The following CNTNAP2 variants were observed in gnomAD, a reference collection of about 807,000 sequenced individuals.
CNTNAP2 encodes the protein contactin-associated protein-like 2.
CNTNAP2 carries 98 observed loss-of-function variants against 155.2 expected under a neutral mutation model. That is an observed-to-expected ratio of 0.63 (90% CI 0.54 to 0.75). CNTNAP2 has a LOEUF of 0.75. Among genes scored for constraint, CNTNAP2 ranks in the 30% least tolerant of loss-of-function variants. The pLI is 0.00. For missense variants in CNTNAP2, 1,727 were observed against 1,688.1 expected (o/e 1.02, Z -0.40); for synonymous variants, 651 against 631.2 (o/e 1.03, Z -0.47).
At chr7:147,966,912 C>T (rs1414133235) in intron 14 of CNTNAP2, among the ~76,000 whole-genome samples, 3 of 151,982 alleles carry the variant, frequency 2.0e-5, no homozygotes, top group Non-Finnish European at 2.9e-5. Flanking sequence ...ACATGGCATT[C>T]CAGTTTCTGC....
At chr7:147,155,275 C>G (rs1373495030) in intron 8 of CNTNAP2, among the ~76,000 whole-genome samples, 2 of 152,098 alleles carry the variant, frequency 1.3e-5, no homozygotes, top group Non-Finnish European at 2.9e-5. Flanking sequence ...GGAAGTGGTC[C>G]CTCACCAGAC....
At chr7:147,047,602 CA>C (rs1296983027) in intron 4 of CNTNAP2, among the ~76,000 whole-genome samples, 5 of 152,178 alleles carry the variant, frequency 3.3e-5, no homozygotes, top group Middle Eastern at 3.4e-3. Context: ...TTTGAGGTGA[CA>C]TTTTTTTAAC....
chr7:147,182,143 A>AAG (rs1563106138), intron 8 of CNTNAP2, among the ~76,000 whole-genome samples: 1 of 150,954 alleles, frequency 6.6e-6, no homozygotes, highest in African/African-American at 2.4e-5. Flanking sequence ...AAAAAAAAAA[A>AAG]AAAGAAAGTA....
At chr7:147,101,523 A>G (rs935412549) in intron 4 of CNTNAP2, among the ~76,000 whole-genome samples, 1 of 152,270 alleles carries the variant, frequency 6.6e-6, no homozygotes, top group East Asian at 1.9e-4. Context: ...ACAGCCTTTT[A>G]TACCCTGTCC....
At chr7:147,319,485 C>T (rs1584870252) in intron 9 of CNTNAP2, among the ~76,000 whole-genome samples, 1 of 152,252 alleles carries the variant, frequency 6.6e-6, no homozygotes, top group South Asian at 2.1e-4. Context: ...TCAAGTGATC[C>T]TCCCACCTCA....
At chr7:147,051,752 TTATTAA>T (rs1220472978) in intron 4 of CNTNAP2, among the ~76,000 whole-genome samples, 1 of 151,660 alleles carries the variant, frequency 6.6e-6, no homozygotes, top group Non-Finnish European at 1.5e-5. Context: ...TTTGTTAATC[TTATTAA>T]TATTAATAAG....
chr7:147,494,657 T>A (rs564711821), intron 11 of CNTNAP2, among the ~76,000 whole-genome samples: 23 of 151,768 alleles, frequency 1.5e-4, no homozygotes, highest in Non-Finnish European at 2.6e-4. Context: ...AGGTTCAGAG[T>A]GAAGAGAAAA....
chr7:146,771,178 G>A (rs1225133151), intron 1 of CNTNAP2, among the ~76,000 whole-genome samples: 1 of 152,020 alleles, frequency 6.6e-6, no homozygotes, highest in Non-Finnish European at 1.5e-5. Flanking sequence ...AATTACCATA[G>A]CATACTATAA....
At chr7:146,875,172 G>A (rs17170285) in intron 3 of CNTNAP2, among the ~76,000 whole-genome samples, 2 of 152,114 alleles carry the variant, frequency 1.3e-5, no homozygotes, top group East Asian at 3.9e-4. Context: ...TGATTTAATG[G>A]CATCTGAGAT....
chr7:146,627,580 T>A (rs1253288635), intron 1 of CNTNAP2, among the ~76,000 whole-genome samples: 1 of 152,088 alleles, frequency 6.6e-6, no homozygotes, highest in Non-Finnish European at 1.5e-5. Context: ...TTATAGGAAA[T>A]GGACGTAGGT....
chr7:146,612,473 A>G (rs1799154472), intron 1 of CNTNAP2, among the ~76,000 whole-genome samples: 1 of 152,178 alleles, frequency 6.6e-6, no homozygotes, highest in Non-Finnish European at 1.5e-5. Context: ...ATGGTTTAAT[A>G]TAAGAACAAA....
intron 4 of CNTNAP2, among the ~76,000 whole-genome samples, chr7:147,075,455 C>T (rs897732544): frequency 1.8e-4 from 27 of 151,954 alleles, no homozygotes; most frequent in Non-Finnish European, 3.1e-4. Context: ...CTACCCAGCA[C>T]GAAAGCTTTA....
intron 2 of CNTNAP2, among the ~76,000 whole-genome samples, chr7:146,809,792 C>T (rs545443170): frequency 3.3e-5 from 5 of 152,150 alleles, no homozygotes; most frequent in East Asian, 3.9e-4. Context: ...TCTTCCATTC[C>T]GTAGGTTGCC....
intron 13 of CNTNAP2, among the ~76,000 whole-genome samples, chr7:147,851,888 A>T (rs1798949230): frequency 6.6e-6 from 1 of 152,140 alleles, no homozygotes; most frequent in African/African-American, 2.4e-5. Flanking sequence ...GTGCATATGT[A>T]CCCTAGAACT....
In CNTNAP2 at chr7:147,174,970, C is replaced by T. The variant is rs1445841010; in HGVS notation, c.1348+42461C>T. Among the ~76,000 whole-genome samples the T allele has an allele frequency of 2.6e-5, 4 of 152,204 alleles. No homozygotes were observed. In the East Asian group the frequency reaches 5.8e-4, roughly 22 times the overall value. On this transcript the variant is annotated intron_variant, in intron 8 of 23. Coordinates refer to ENST00000361727, the MANE Select transcript of CNTNAP2 (RefSeq NM_014141.6). ...CAAGTTGAAATACTATTTACATCAA[C>T]CATACCGCCGACTCCATCATAATGA... is the stretch of plus-strand genomic sequence containing the variant.
intron 14 of CNTNAP2, among the ~76,000 whole-genome samples, chr7:147,962,049 G>C (rs1196884194): frequency 7.9e-6 from 1 of 126,788 alleles, no homozygotes; most frequent in African/African-American, 2.5e-5. Context: ...TAATTATTCA[G>C]TTATAAATAA....
chr7:146,208,201 C>A (rs1465525185), intron 1 of CNTNAP2, among the ~76,000 whole-genome samples: 1 of 151,830 alleles, frequency 6.6e-6, no homozygotes, highest in Non-Finnish European at 1.5e-5. Context: ...TAGCTGATGA[C>A]AAAGCAACTC....
intron 1 of CNTNAP2, among the ~76,000 whole-genome samples, chr7:146,428,404 A>C (rs1622941): frequency 0.54 from 81,383 of 151,842 alleles, 25,541 homozygotes; most frequent in African/African-American, 0.88. Context: ...ACCTTGCCAG[A>C]ATCTGTTGTT....
intron 10 of CNTNAP2, among the ~76,000 whole-genome samples, chr7:147,451,847 G>A (rs1797839697): frequency 2.0e-5 from 3 of 152,078 alleles, no homozygotes; most frequent in African/African-American, 7.2e-5. Flanking sequence ...AAGTGACTGG[G>A]TCATTAGAGC....
Sources: gnomAD v4.1 joint callset for allele counts (sites outside exome capture counted in the v4.1 genomes callset) on GRCh38, gnomAD v4.1.1 for gene constraint, MANE v1.5 for transcripts, NCBI Gene and HGNC (gene_info 2026-07-23, HGNC 2026-07-21) for gene names.